DAW1: variants seen among roughly 807,000 people sequenced by gnomAD.
The protein encoded by DAW1 is dynein assembly factor with WD repeat domains 1.
In DAW1, 47 loss-of-function variants were observed where a neutral mutation model predicts 56.5. The observed-to-expected ratio is 0.83, with a 90% CI of 0.66 to 1.06. The LOEUF (loss-of-function observed/expected upper bound fraction) is 1.06, where lower values mean the gene tolerates loss of function less well. Among genes scored for constraint, DAW1 ranks in the 50% least tolerant of loss-of-function variants. The probability of loss-of-function intolerance (pLI) is 0.00; values close to 1 mark genes in which losing one functional copy is unlikely to be tolerated. For synonymous variants in DAW1, 190 were observed against 179.0 expected (o/e 1.06, Z -0.49); for missense variants, 505 against 499.3 (o/e 1.01, Z -0.11).
At chr2:227,881,287 C>T (rs896465886) in intron 1 of DAW1, among the ~76,000 whole-genome samples, 8 of 152,140 alleles carry the variant, frequency 5.3e-5, no homozygotes, top group East Asian at 1.9e-4. Flanking sequence ...TACTAGGTAA[C>T]GGCAGGCACT....
chr2:227,906,753 A>G (rs951801159), intron 9 of DAW1, among the ~76,000 whole-genome samples: 1 of 152,240 alleles, frequency 6.6e-6, no homozygotes, highest in Non-Finnish European at 1.5e-5. Context: ...ATATAATCTT[A>G]TAATGTACTT....
At position 227,871,666 on chromosome 2, in the gene DAW1, G is replaced by C. The variant is rs186019467; in HGVS notation, c.-24G>C. 3.5e-4 allele frequency: 561 copies of C among 1,612,062 alleles called. 7 individuals carry two copies. The East Asian group carries it at 9.6e-3, about 28-fold the overall frequency. On this transcript the variant is annotated 5_prime_UTR_variant, in exon 1 of 13. Transcript: ENST00000309931. ...CGTTTCCAAGGCTACGAAGCCCATC[G>C]GCCGGGGATAAGAGAGCAAGAAAAT...
chr2:227,885,378 G>A lies in DAW1; in HGVS notation c.68G>A (p.Gly23Glu), dbSNP rs1179766590. Residue 23 changes from glycine (G) to glutamate (E), a missense_variant, in exon 2 of 13, where the codon GGA becomes GAA. By Grantham distance (98) the Gly-to-Glu change is moderately conservative. Transcript: ENST00000309931. ...PGIMLEYEKH[G>E]ELKTKSIDLL... ...ATTATGTTGGAATATGAAAAACATG[G>A]AGAATTAAAGACTAAGTCCATAGAT... The A allele has an allele frequency of 5.0e-6, 8 of 1,600,994 alleles. No individual in the cohort carries two copies. The highest frequency in any genetic ancestry group is 6.8e-6 in the Non-Finnish European group (8 of 1,174,956).
intron 1 of DAW1, among the ~76,000 whole-genome samples, chr2:227,879,911 C>A (rs1013874582): frequency 1.3e-5 from 2 of 151,964 alleles, no homozygotes; most frequent in Non-Finnish European, 2.9e-5. Flanking sequence ...TTATATTGAT[C>A]TAATTTTGTA....
intron 10 of DAW1, among the ~76,000 whole-genome samples, chr2:227,916,512 G>C (rs1008614086): frequency 6.6e-6 from 1 of 152,076 alleles, no homozygotes; most frequent in African/African-American, 2.4e-5. Context: ...TCATCTACTT[G>C]AAAACCAAGT....
At position 227,893,870 on chromosome 2, in the gene DAW1, G is replaced by C; in HGVS notation, c.393G>C (p.Glu131Asp). Residue 131 changes from glutamate to aspartate, a missense_variant, in exon 5 of 13, where the codon GAG (glutamate) becomes GAC (aspartate). Coordinates refer to ENST00000309931, the MANE Select transcript of DAW1 (RefSeq NM_178821.3). ...TASGEELNTL[E>D]GHRNVVYAIA... Reference sequence around the variant, plus strand: ...CTGGAGAGGAGCTGAACACGCTGGAGGGCCACAGGAATGTGGTTTATGCCA... The same window carrying C: ...CTGGAGAGGAGCTGAACACGCTGGACGGCCACAGGAATGTGGTTTATGCCA... The C allele has an allele frequency of 6.2e-7, 1 of 1,613,896 alleles. No homozygotes were observed. The highest frequency in any genetic ancestry group is 8.5e-7 in the Non-Finnish European group (1 of 1,179,936).
At position 227,882,022 on chromosome 2, in the gene DAW1, G is replaced by A. The variant is rs566951332; in HGVS notation, c.41-3329G>A. Among the ~76,000 whole-genome samples the A allele has an allele frequency of 2.6e-5, 4 of 152,070 alleles. No homozygotes were observed. In the South Asian group the frequency reaches 8.3e-4, roughly 32 times the overall value. The stretch of plus-strand genomic sequence containing the variant: ...CTGCCTTGGCCTCCCAAAGTGGTGG[G>A]ATTACAGGCGTGAGCCACTGCACTT... On this transcript the variant is annotated intron_variant, in intron 1 of 12. Transcript: ENST00000309931.
In DAW1 at chr2:227,913,964, T is replaced by C. The variant is rs1309780842; in HGVS notation, c.974-4816T>C. On this transcript the variant is annotated intron_variant, in intron 10 of 12. Transcript: ENST00000309931. ...CATCATCATCATCTATCTAATCTAT[T>C]GAGAGAGAGAGTCATATATCTGTAT... is the stretch of plus-strand genomic sequence containing the variant. Among the ~76,000 whole-genome samples the C allele has an allele frequency of 3.4e-5, 5 of 146,480 alleles. No homozygotes were observed. In the Admixed American group the frequency reaches 3.4e-4, roughly 10 times the overall value.
At chr2:227,891,993 G>A (rs190433981) in intron 4 of DAW1, among the ~76,000 whole-genome samples, 2 of 152,192 alleles carry the variant, frequency 1.3e-5, no homozygotes, top group Admixed American at 1.3e-4. Flanking sequence ...GCAATCTTTG[G>A]TGTGGAGAAG....
chr2:227,913,028 G>A (rs923493975), intron 10 of DAW1, among the ~76,000 whole-genome samples: 1 of 152,270 alleles, frequency 6.6e-6, no homozygotes, highest in Non-Finnish European at 1.5e-5. Context: ...TGGCAAGCAT[G>A]TATATTGCTA....
In DAW1 at chr2:227,919,713, C is replaced by G. The variant is rs565217945; in HGVS notation, c.1050+857C>G. ...GGAGCAGGCCCACCCAGTCAGTGAT[C>G]TGAAGTTTAGATGTGTCATCAGAAC... On this transcript the variant is annotated intron_variant, in intron 11 of 12. Coordinates refer to ENST00000309931, the MANE Select transcript of DAW1 (RefSeq NM_178821.3). Among the ~76,000 whole-genome samples the G allele has an allele frequency of 1.1e-3, 169 of 152,208 alleles. 4 individuals are homozygous for G. The highest frequency in any genetic ancestry group is 2.6e-4 in the Non-Finnish European group (18 of 68,046).
intron 10 of DAW1, chr2:227,912,126 T>TA (rs1192459880): frequency 2.8e-6 from 1 of 362,266 alleles, no homozygotes; most frequent in Admixed American, 3.7e-5. Context: ...TATACTGACT[T>TA]ATGTGTGTAC....
chr2:227,880,475 GT>G (rs1234418129), intron 1 of DAW1, among the ~76,000 whole-genome samples: 2 of 150,832 alleles, frequency 1.3e-5, no homozygotes, highest in African/African-American at 4.9e-5. Flanking sequence ...TGATCCTAGA[GT>G]TTGGTTTCAG....
At chr2:227,915,911 A>G (rs1691943141) in intron 10 of DAW1, among the ~76,000 whole-genome samples, 1 of 152,246 alleles carries the variant, frequency 6.6e-6, no homozygotes, top group African/African-American at 2.4e-5. Context: ...GCCGTAGTTC[A>G]TCTCATTTAG....
At chr2:227,891,164 G>GA in intron 3 of DAW1, 91 bp from the exon 4 acceptor site, 1 of 1,191,500 alleles carries the variant, frequency 8.4e-7, no homozygotes, top group Admixed American at 1.9e-5. Flanking sequence ...GTATAATTAA[G>GA]AAAAAATTGA....
At chr2:227,876,771 G>A (rs1190833323) in intron 1 of DAW1, among the ~76,000 whole-genome samples, 2 of 152,152 alleles carry the variant, frequency 1.3e-5, no homozygotes, top group Non-Finnish European at 2.9e-5. Context: ...TTTCATCTTG[G>A]TCACATTTAT....
At chr2:227,890,131 T>C (rs1691228563) in intron 3 of DAW1, 131 bp downstream of exon 3, 2 of 889,746 alleles carry the variant, frequency 2.2e-6, no homozygotes, top group Non-Finnish European at 3.2e-6. Context: ...GCCTCACATA[T>C]GTTTGCTAAG....
chr2:227,874,915 A>T (rs1010028577), intron 1 of DAW1, among the ~76,000 whole-genome samples: 5 of 152,212 alleles, frequency 3.3e-5, no homozygotes, highest in Admixed American at 3.3e-4. Flanking sequence ...GTGAGCCAAG[A>T]TCACACCAAT....
At chr2:227,879,901 T>C (rs1208186629) in intron 1 of DAW1, among the ~76,000 whole-genome samples, 1 of 152,188 alleles carries the variant, frequency 6.6e-6, no homozygotes, top group Non-Finnish European at 1.5e-5. Context: ...GATGATTTTA[T>C]TATATTGATC....
Sources: allele counts gnomAD v4.1 joint callset (sites outside exome capture counted in the v4.1 genomes callset), GRCh38; gene constraint gnomAD v4.1.1; transcripts MANE v1.5; gene names NCBI Gene and HGNC (gene_info 2026-07-23, HGNC 2026-07-21).